The following ONECUT1 variants were observed in gnomAD, a reference collection of about 807,000 sequenced individuals.
ONECUT1 encodes the protein hepatocyte nuclear factor 6.
Under a neutral mutation model 25.6 loss-of-function variants are expected in ONECUT1, and 12 were observed. The observed-to-expected ratio is 0.47, with a 90% CI of 0.30 to 0.76. The LOEUF is 0.76. Among genes scored for constraint, ONECUT1 ranks in the 30% least tolerant of loss-of-function variants. The pLI is 0.07. For synonymous variants in ONECUT1, 285 were observed against 270.2 expected, an observed-to-expected ratio of 1.05 and a Z score of -0.54; for missense variants, 620 against 651.2, an observed-to-expected ratio of 0.95 and a Z score of 0.52.
intron 1 of ONECUT1, among the ~76,000 whole-genome samples, chr15:52,761,837 C>T (rs2083707702): frequency 6.6e-6 from 1 of 152,058 alleles, no homozygotes; most frequent in Non-Finnish European, 1.5e-5. Flanking sequence ...AGTAATGGGG[C>T]CATTAGGAAA....
rs147745937 is a variant in ONECUT1 at position 52,789,196 on chromosome 15, C to T, written c.689G>A (p.Gly230Glu). The T allele has an allele frequency of 3.8e-6, 6 of 1,570,368 alleles. No individual in the cohort carries two copies. The highest frequency in any genetic ancestry group is 1.7e-4 in the Middle Eastern group (1 of 5,914). Residue 230 changes from glycine (G) to glutamate (E), a missense_variant, in exon 1 of 2, where the codon GGG (glycine) becomes GAG (glutamate). Gly to Glu is a moderately conservative substitution (Grantham distance 98). Transcript: ENST00000305901. The surrounding 1 kb of genome is among the most constrained non-coding windows in gnomAD (Gnocchi z 4.1). Reference protein sequence around the residue: ...AHHPAMLGRHGEQHLTPTSAG... With the variant: ...AHHPAMLGRHEEQHLTPTSAG... ...CGAGGTGGGCGTGAGGTGCTGCTCC[C>T]CGTGGCGGCCGAGCATGGCCGGGTG...
intron 1 of ONECUT1, among the ~76,000 whole-genome samples, chr15:52,777,737 C>CACACACACAA (rs57187579): frequency 3.9e-5 from 4 of 103,454 alleles, no homozygotes; most frequent in East Asian, 3.4e-4. Flanking sequence ...CACACACACA[C>CACACACACAA]AAAAAAACAT....
rs2083668738 is a variant in ONECUT1, at chr15:52,755,261, A to G, written c.*2294T>C. Among the ~76,000 whole-genome samples, 1 of 152,122 alleles carries G rather than the reference A, an allele frequency of 6.6e-6. No homozygotes were observed. Among genetic ancestry groups the G allele is most frequent in the Non-Finnish European group, 1.5e-5 (1 of 68,020 alleles). ...TGTAGCTGTATCCCCGGCTCCCTCC[A>G]TCCCTGGAGAGAGAGAAAATGTTAA... On this transcript the variant is annotated 3_prime_UTR_variant, in exon 2 of 2. Transcript: ENST00000305901.
At chr15:52,770,781 T>C (rs2083762607) in intron 1 of ONECUT1, among the ~76,000 whole-genome samples, 1 of 152,076 alleles carries the variant, frequency 6.6e-6, no homozygotes, top group African/African-American at 2.4e-5. Flanking sequence ...AGTTGTAAAA[T>C]ACACAATAAT....
chr15:52,762,927 G>A (rs1469023798), intron 1 of ONECUT1, among the ~76,000 whole-genome samples: 1 of 152,024 alleles, frequency 6.6e-6, no homozygotes, highest in African/African-American at 2.4e-5. Flanking sequence ...TGTAAGGTAG[G>A]AAACCCCCAA....
intron 1 of ONECUT1, among the ~76,000 whole-genome samples, chr15:52,758,900 C>A (rs1210786099): frequency 6.6e-6 from 1 of 151,930 alleles, no homozygotes; most frequent in Non-Finnish European, 1.5e-5. Flanking sequence ...CCCCTCCACC[C>A]AATCTCCACC....
chr15:52,787,984 C>A (rs975889250), intron 1 of ONECUT1: 1 of 152,356 alleles, frequency 6.6e-6, no homozygotes, highest in Middle Eastern at 3.4e-3. Context: ...CCCAAACCCC[C>A]CTCCCGCACG....
intron 1 of ONECUT1, among the ~76,000 whole-genome samples, chr15:52,787,383 G>A (rs951554293): frequency 6.6e-6 from 1 of 152,020 alleles, no homozygotes; most frequent in Non-Finnish European, 1.5e-5. Flanking sequence ...AGGCTGGTCG[G>A]CACCTGCCAC....
intron 1 of ONECUT1, among the ~76,000 whole-genome samples, chr15:52,777,712 ACACACACACACACACACACAC>A (rs2083809967): frequency 1.8e-5 from 2 of 110,338 alleles, no homozygotes; most frequent in Non-Finnish European, 3.3e-5. Context: ...ACACACACAC[ACACACACACACACACACACAC>A]ACACAAAAAA....
Position 52,789,340 on chromosome 15 carries a change from A to G in ONECUT1, c.545T>C (p.Leu182Pro), listed in dbSNP as rs766869981. 1.3e-6 allele frequency: 2 copies of G among 1,591,792 alleles called. No homozygotes were observed. The highest frequency in any genetic ancestry group is 1.1e-5 in the South Asian group (1 of 87,792). Residue 182 changes from leucine to proline, a missense_variant, in exon 1 of 2, where the codon CTC (leucine) becomes CCC (proline). This residue lies in a region of ONECUT1 where 440 missense variants were observed against 404.9 expected (regional missense o/e 1.09). Coordinates refer to ENST00000305901, the MANE Select transcript of ONECUT1 (RefSeq NM_004498.4). The surrounding 1 kb of genome is among the most constrained non-coding windows in gnomAD (Gnocchi z 4.1). ...VAGMGQSLSP[L>P]SSSGLGSIHN... ...GATGCTGCCCAGACCGGAGCTGGAG[A>G]GGGGCGAGAGGCTCTGGCCCATGCC...
At chr15:52,786,044 T>G (rs891341474) in intron 1 of ONECUT1, 2 of 152,204 alleles carry the variant, frequency 1.3e-5, no homozygotes, top group African/African-American at 2.4e-5. Context: ...GGAGGGTCTC[T>G]GAGCGCAACA....
chr15:52,757,445 T>TTTC lies in ONECUT1; in HGVS notation c.*107_*109dup, dbSNP rs1186349555. ...CTTTGGACTATAAATAACGCTTTTT[T>TTTC]TTCTTCAAATATTTCTAAGTATAAA... On this transcript the variant is annotated 3_prime_UTR_variant, in exon 2 of 2. Transcript: ENST00000305901. 1.6e-6 allele frequency: 2 copies of TTTC among 1,256,094 alleles called. No homozygotes were observed. The highest frequency in any genetic ancestry group is 2.2e-6 in the Non-Finnish European group (2 of 908,224). 77.8% of individuals were successfully genotyped at this position (1,256,094 alleles called of 1,614,324 possible). A position where few individuals can be genotyped will look rare whatever the true frequency, so the allele number is the denominator to read the frequency against.
chr15:52,782,108 C>T (rs1229973392), intron 1 of ONECUT1, among the ~76,000 whole-genome samples: 1 of 152,158 alleles, frequency 6.6e-6, no homozygotes, highest in African/African-American at 2.4e-5. Flanking sequence ...CACACGTAAA[C>T]ATGTGCCGTG....
chr15:52,787,838 G>C (rs185999269), intron 1 of ONECUT1: 12 of 152,250 alleles, frequency 7.9e-5, no homozygotes, highest in African/African-American at 2.9e-4. Context: ...GCCTATCCGC[G>C]GTCTCGGGGA....
Position 52,769,241 on chromosome 15 carries a change from T to C in ONECUT1, c.1106-11394A>G, listed in dbSNP as rs545753818. ...CCTTCCCCACAGTATAATTAGTTAG[T>C]TACCTACCCATCTCTCTCACACAGT... is the stretch of plus-strand genomic sequence containing the variant. On this transcript the variant is annotated intron_variant, in intron 1 of 1. Transcript: ENST00000305901. 2.6e-5 allele frequency among the ~76,000 whole-genome samples: 4 copies of C among 152,332 alleles called. No homozygotes were observed. The South Asian group carries it at 8.3e-4, about 32-fold the overall frequency.
chr15:52,778,536 C>CT (rs1251694577), intron 1 of ONECUT1, among the ~76,000 whole-genome samples: 13 of 152,212 alleles, frequency 8.5e-5, no homozygotes, highest in Admixed American at 8.5e-4. Context: ...TGCCAATTTA[C>CT]TTTCGTTTCC....
chr15:52,780,360 G>C (rs2083832743), intron 1 of ONECUT1, among the ~76,000 whole-genome samples: 1 of 152,148 alleles, frequency 6.6e-6, no homozygotes, highest in Non-Finnish European at 1.5e-5. Context: ...TAATGAGCTG[G>C]TAGTGCCATT....
intron 1 of ONECUT1, chr15:52,780,791 G>C (rs1233833430): frequency 2.9e-6 from 4 of 1,391,714 alleles, no homozygotes; most frequent in Admixed American, 3.2e-5. Context: ...ATAGTTTATT[G>C]CGTTCCTTCG....
intron 1 of ONECUT1, among the ~76,000 whole-genome samples, chr15:52,768,995 C>T (rs896267662): frequency 3.3e-5 from 5 of 152,214 alleles, no homozygotes; most frequent in African/African-American, 9.6e-5. Context: ...CCAATCATTC[C>T]TGCCACACTG....
Sources: allele counts gnomAD v4.1 joint callset (sites outside exome capture counted in the v4.1 genomes callset), GRCh38; gene constraint gnomAD v4.1.1; regional missense constraint gnomAD v4.1.1; non-coding constraint Gnocchi (gnomAD v3.1); transcripts MANE v1.5; gene names NCBI Gene and HGNC (gene_info 2026-07-23, HGNC 2026-07-21).